LRRC9: variants seen among roughly 807,000 people sequenced by gnomAD.
The protein encoded by LRRC9 is leucine rich repeat containing 9, also known as leucine-rich repeat-containing protein 9.
LRRC9 carries 122 observed loss-of-function variants against 63.2 expected under a neutral mutation model. That is an observed-to-expected ratio of 1.93 (90% confidence interval 1.67 to 2.24). The LOEUF (loss-of-function observed/expected upper bound fraction) is 2.24. Ranked by LOEUF, LRRC9 falls within the 30% of genes most tolerant of loss-of-function variation. LRRC9 has a pLI of 0.00. For synonymous variants in LRRC9, 366 were observed against 213.1 expected (o/e 1.72, Z -6.25); for missense variants, 1,071 against 627.7 (o/e 1.71, Z -7.55).
intron 27 of LRRC9, among the ~76,000 whole-genome samples, chr14:60,023,764 T>C (rs897628261): frequency 6.6e-6 from 1 of 152,102 alleles, no homozygotes; most frequent in Non-Finnish European, 1.5e-5. Flanking sequence ...TCATCTACAT[T>C]AGGTATTTCT....
chr14:59,952,043 CG>C (rs1883193416), intron 8 of LRRC9, among the ~76,000 whole-genome samples: 2 of 151,146 alleles, frequency 1.3e-5, no homozygotes, highest in African/African-American at 4.9e-5. Context: ...TCGAGCTTCC[CG>C]GCTGCTTTGT....
chr14:59,981,892 A>C (rs1355045950), exon 16 of LRRC9: 1 of 702,204 alleles, frequency 1.4e-6, no homozygotes, highest in Non-Finnish European at 2.6e-6. Context: ...ATGTTATTCT[A>C]GAAGAAAGCA....
chr14:59,926,974 A>T (rs191525748), intron 1 of LRRC9, among the ~76,000 whole-genome samples: 3 of 152,248 alleles, frequency 2.0e-5, no homozygotes, highest in African/African-American at 7.2e-5. Context: ...ATGCTTTTTT[A>T]AAAGTATCAT....
chr14:60,012,952 A>T (rs112782059), intron 23 of LRRC9, among the ~76,000 whole-genome samples: 3,011 of 108,064 alleles, frequency 0.028, 54 homozygotes, highest in South Asian at 0.064. Context: ...TTATTTATTT[A>T]TTTTTTTAAT....
At chr14:60,062,990 C>T (rs1894753696) in intron 31 of LRRC9, among the ~76,000 whole-genome samples, 1 of 151,628 alleles carries the variant, frequency 6.6e-6, no homozygotes, top group African/African-American at 2.4e-5. Flanking sequence ...CTCTTGGGTT[C>T]AAGCAATTCT....
chr14:60,008,213 T>C, exon 23 of LRRC9: 1 of 698,200 alleles, frequency 1.4e-6, no homozygotes. Context: ...GGGATACCAA[T>C]TGTAAGTTGA....
chr14:60,064,097 G>C (rs2140484147), downstream of LRRC9, among the ~76,000 whole-genome samples: 1 of 152,292 alleles, frequency 6.6e-6, no homozygotes. Context: ...AAGTTTACAA[G>C]TAGTTTCAGG....
intron 7 of LRRC9, among the ~76,000 whole-genome samples, chr14:59,941,916 G>T (rs1368815443): frequency 6.6e-6 from 1 of 152,232 alleles, no homozygotes; most frequent in East Asian, 1.9e-4. Context: ...CTATCTAGCT[G>T]TAATTTTGTA....
chr14:60,019,600 C>T (rs1225314671), intron 26 of LRRC9, among the ~76,000 whole-genome samples: 2 of 151,884 alleles, frequency 1.3e-5, no homozygotes, highest in African/African-American at 4.8e-5. Flanking sequence ...TACCATAAAA[C>T]TCACCCTGTA....
At chr14:60,062,235 T>A (rs541608960) in intron 31 of LRRC9, 56 bp downstream of exon 32, 1 of 397,862 alleles carries the variant, frequency 2.5e-6, no homozygotes, top group South Asian at 1.3e-4. Context: ...AAAAGTACTC[T>A]CCATATTTGC....
intron 1 of LRRC9, among the ~76,000 whole-genome samples, chr14:59,925,032 C>T (rs1238703723): frequency 1.3e-5 from 2 of 151,940 alleles, no homozygotes; most frequent in Non-Finnish European, 2.9e-5. Context: ...CTGATAAGGT[C>T]CTGATCTTCT....
intron 29 of LRRC9, 71 bp from the exon 30 acceptor site, chr14:60,052,994 C>T: frequency 3.4e-6 from 2 of 582,362 alleles, no homozygotes; most frequent in Non-Finnish European, 6.2e-6. Context: ...GCTAAATTTC[C>T]TTCTCTATAC....
intron 9 of LRRC9, 59 bp downstream of exon 9, chr14:59,960,073 T>C (rs1884197299): frequency 1.7e-6 from 1 of 579,626 alleles, no homozygotes; most frequent in Admixed American, 3.2e-5. Context: ...CAGAATGTTT[T>C]GGGCCATCAG....
rs73306100 is a variant in LRRC9, at chr14:60,032,942, A to G, written c.3990+879A>G. On this transcript the variant is annotated intron_variant, in intron 29 of 31. Coordinates refer to ENST00000445360, the Ensembl canonical transcript of LRRC9. ...CTTCCACCAAGAAGGAAATAGCAATAAACAGTATCCCCTAATATTTATAGT... is the reference window on the plus strand; with the variant it reads ...CTTCCACCAAGAAGGAAATAGCAATGAACAGTATCCCCTAATATTTATAGT... Among the ~76,000 whole-genome samples the G allele has an allele frequency of 3.2e-3, 481 of 152,280 alleles. 3 individuals are homozygous for G. The highest frequency in any genetic ancestry group is 0.011 in the African/African-American group (458 of 41,558).
intron 27 of LRRC9, among the ~76,000 whole-genome samples, chr14:60,026,988 C>T (rs1307616930): frequency 1.3e-5 from 2 of 151,870 alleles, no homozygotes; most frequent in Non-Finnish European, 2.9e-5. Flanking sequence ...TTTTGAGGTA[C>T]TGGAGGTTAG....
intron 29 of LRRC9, among the ~76,000 whole-genome samples, chr14:60,048,981 G>A (rs531619749): frequency 5.3e-5 from 8 of 152,198 alleles, no homozygotes; most frequent in South Asian, 2.1e-4. Context: ...GGTTCAACAC[G>A]TGCAAATCAA....
chr14:59,971,414 C>T (rs1885488627), intron 12 of LRRC9, among the ~76,000 whole-genome samples: 1 of 152,080 alleles, frequency 6.6e-6, no homozygotes, highest in Non-Finnish European at 1.5e-5. Context: ...GCTATTTGGG[C>T]TCTCTTTTGG....
rs559491171 is a variant in LRRC9 at position 60,046,181 on chromosome 14, A to G, written c.3991-6884A>G. 2.6e-5 allele frequency among the ~76,000 whole-genome samples: 4 copies of G among 152,342 alleles called. No individual in the cohort carries two copies. In the South Asian group the frequency reaches 8.3e-4, roughly 32 times the overall value. ...AGACTCTGAATATTAGACCTTGGTC[A>G]GATGGATAGATTGCAGAATTTTTCT... On this transcript the variant is annotated intron_variant, in intron 29 of 31. Coordinates refer to ENST00000445360, the Ensembl canonical transcript of LRRC9.
At chr14:60,025,770 GATCT>G (rs1311284443) in intron 27 of LRRC9, among the ~76,000 whole-genome samples, 2 of 151,814 alleles carry the variant, frequency 1.3e-5, no homozygotes, top group Admixed American at 6.6e-5. Context: ...GTCAAACCTA[GATCT>G]ATCTACCTCC....
Sources: allele counts gnomAD v4.1 joint callset (sites outside exome capture counted in the v4.1 genomes callset), GRCh38; gene constraint gnomAD v4.1.1; transcripts MANE v1.5; gene names NCBI Gene and HGNC (gene_info 2026-07-23, HGNC 2026-07-21).